PEX7: variants seen among roughly 807,000 people sequenced by gnomAD.
PEX7 encodes the protein PTS2 receptor.
In PEX7, 34 loss-of-function variants were observed where a neutral mutation model predicts 47.5. The ratio of observed to expected loss-of-function variants is 0.72; its 90% CI spans 0.54 to 0.95. The LOEUF is 0.95. Ranked by LOEUF, PEX7 falls within the 40% of genes least tolerant of loss-of-function variation. The probability of loss-of-function intolerance (pLI) is 0.00; values close to 1 mark genes in which losing one functional copy is unlikely to be tolerated. For missense variants in PEX7, 394 were observed against 400.3 expected (o/e 0.98, Z 0.13); for synonymous variants, 141 against 148.8 (o/e 0.95, Z 0.38).
chr6:136,878,722 T>C (rs1222191759), intron 8 of PEX7, among the ~76,000 whole-genome samples: 2 of 152,232 alleles, frequency 1.3e-5, no homozygotes, highest in African/African-American at 4.8e-5. Flanking sequence ...GAACAAATAG[T>C]CTTTTTATTA....
At chr6:136,892,859 A>G (rs986206479) in intron 8 of PEX7, among the ~76,000 whole-genome samples, 3 of 152,154 alleles carry the variant, frequency 2.0e-5, no homozygotes, top group Non-Finnish European at 4.4e-5. Context: ...TAAATCTCCA[A>G]TCCATCAACT....
Position 136,826,362 on chromosome 6 carries a change from A to T in PEX7, c.232A>T (p.Asn78Tyr). The T allele has an allele frequency of 6.2e-7, 1 of 1,613,916 alleles. No homozygotes were observed. The change falls in exon 3 of 10, where the codon AAC becomes TAC. Residue 78 changes from asparagine (N) to tyrosine (Y), a missense_variant. Coordinates refer to ENST00000318471, the MANE Select transcript of PEX7 (RefSeq NM_000288.4). Reference sequence around the variant, plus strand: ...TTTGTTTGATGTGACTTGGAGTGAGAACAACGAACATGTCCTCATCACCTG... The same window carrying T: ...TTTGTTTGATGTGACTTGGAGTGAGTACAACGAACATGTCCTCATCACCTG... The part of the protein sequence containing the change: ...DGLFDVTWSE[N>Y]NEHVLITCSG...
chr6:136,901,323 G>C (rs958684754), intron 9 of PEX7: 1 of 152,164 alleles, frequency 6.6e-6, no homozygotes, highest in African/African-American at 2.4e-5. Flanking sequence ...ACTTAGTGGC[G>C]TAAAACAACA....
chr6:136,893,877 G>A (rs989494907), intron 8 of PEX7, among the ~76,000 whole-genome samples: 1 of 152,176 alleles, frequency 6.6e-6, no homozygotes. Flanking sequence ...AAAAGGAAAA[G>A]AAAGAACTTT....
intron 9 of PEX7, among the ~76,000 whole-genome samples, chr6:136,908,014 T>G (rs1344561152): frequency 6.6e-6 from 1 of 152,200 alleles, no homozygotes. Flanking sequence ...ATGTAGCATT[T>G]AGTCCAGTAT....
intron 5 of PEX7, among the ~76,000 whole-genome samples, chr6:136,861,732 A>T (rs1033280216): frequency 9.2e-5 from 14 of 151,766 alleles, no homozygotes; most frequent in Admixed American, 3.3e-4. Flanking sequence ...CCAGAAAGGG[A>T]AGGGCTGTTT....
intron 1 of PEX7, chr6:136,823,096 C>T (rs778707771): frequency 4.5e-4 from 445 of 985,288 alleles, no homozygotes; most frequent in Non-Finnish European, 5.2e-4. Context: ...CGCCCAGGCA[C>T]ACGTCCCCGT....
chr6:136,862,269 G>A (rs891275152), intron 5 of PEX7, among the ~76,000 whole-genome samples: 5 of 150,832 alleles, frequency 3.3e-5, no homozygotes, highest in African/African-American at 9.8e-5. Context: ...GTAGAGACAG[G>A]GTTTTGCCAT....
intron 8 of PEX7, among the ~76,000 whole-genome samples, chr6:136,889,407 T>G (rs930831126): frequency 6.6e-6 from 1 of 152,168 alleles, no homozygotes; most frequent in African/African-American, 2.4e-5. Context: ...TCTTTAAGAA[T>G]GAAACCAGAT....
intron 3 of PEX7, among the ~76,000 whole-genome samples, chr6:136,842,301 C>G (rs1774515580): frequency 6.6e-6 from 1 of 152,002 alleles, no homozygotes; most frequent in Non-Finnish European, 1.5e-5. Flanking sequence ...AGCCTATTTC[C>G]TTCTTTATGA....
chr6:136,831,800 T>A (rs1003940116), intron 3 of PEX7, among the ~76,000 whole-genome samples: 4 of 152,280 alleles, frequency 2.6e-5, no homozygotes, highest in Non-Finnish European at 5.9e-5. Context: ...TTTGACTCCA[T>A]ATCTCACATC....
intron 9 of PEX7, among the ~76,000 whole-genome samples, chr6:136,909,944 T>C (rs1282075631): frequency 6.6e-6 from 1 of 152,200 alleles, no homozygotes; most frequent in East Asian, 1.9e-4. Context: ...ATGCTTAACA[T>C]GTGGGAAGGC....
At chr6:136,858,321 A>G (rs1774899182) in intron 5 of PEX7, among the ~76,000 whole-genome samples, 1 of 152,224 alleles carries the variant, frequency 6.6e-6, no homozygotes, top group Non-Finnish European at 1.5e-5. Context: ...CTTGAGGACC[A>G]TCAGAATGGC....
rs537514621 is a variant in PEX7, at chr6:136,859,743, C to T, written c.527-6884C>T. Among the ~76,000 whole-genome samples, 4 of 152,206 alleles carry T rather than the reference C, an allele frequency of 2.6e-5. No individual in the cohort carries two copies. In the East Asian group the frequency reaches 7.7e-4, roughly 29 times the overall value. ...GTACATTTAAATTCACTGGTTCTGG[C>T]CAGGCACAGTGGCTCACATCTGTAA... On this transcript the variant is annotated intron_variant, in intron 5 of 9. Coordinates refer to ENST00000318471, the MANE Select transcript of PEX7 (RefSeq NM_000288.4).
At chr6:136,881,637 T>A (rs1489585054) in intron 8 of PEX7, among the ~76,000 whole-genome samples, 1 of 152,208 alleles carries the variant, frequency 6.6e-6, no homozygotes, top group Non-Finnish European at 1.5e-5. Flanking sequence ...CTCCCTGTTT[T>A]ATGTATTTAA....
At chr6:136,913,090 A>G (rs963399585) in intron 9 of PEX7, among the ~76,000 whole-genome samples, 1 of 152,220 alleles carries the variant, frequency 6.6e-6, no homozygotes, top group Non-Finnish European at 1.5e-5. Context: ...CAGTCCCACA[A>G]TATTGAGCAC....
chr6:136,898,530 T>A (rs1486780718), intron 9 of PEX7, among the ~76,000 whole-genome samples: 32 of 152,184 alleles, frequency 2.1e-4, no homozygotes, highest in Non-Finnish European at 1.8e-4. Flanking sequence ...AAGAGAAAGA[T>A]GGAATATGGC....
chr6:136,885,744 A>T (rs985878155), intron 8 of PEX7, among the ~76,000 whole-genome samples: 1 of 152,228 alleles, frequency 6.6e-6, no homozygotes, highest in Non-Finnish European at 1.5e-5. Flanking sequence ...TGTAGTCACA[A>T]ATGTAAATAG....
intron 3 of PEX7, among the ~76,000 whole-genome samples, chr6:136,826,801 G>A (rs1259530341): frequency 6.6e-6 from 1 of 152,066 alleles, no homozygotes; most frequent in Non-Finnish European, 1.5e-5. Flanking sequence ...TAAGGTAGAG[G>A]TAGGTGGACT....
Sources: gnomAD v4.1 joint callset for allele counts (sites outside exome capture counted in the v4.1 genomes callset) on GRCh38, gnomAD v4.1.1 for gene constraint, MANE v1.5 for transcripts, NCBI Gene and HGNC (gene_info 2026-07-23, HGNC 2026-07-21) for gene names.